The following COL19A1 variants were observed in gnomAD, a reference collection of about 807,000 sequenced individuals.
The protein encoded by COL19A1 is collagen alpha-1(XIX) chain.
Under a neutral mutation model 190.2 loss-of-function variants are expected in COL19A1, and 159 were observed. That is an observed-to-expected ratio of 0.84 (90% confidence interval 0.73 to 0.95). The LOEUF (loss-of-function observed/expected upper bound fraction) is 0.95, where lower values mean the gene tolerates loss of function less well. Ranked by LOEUF, COL19A1 falls within the 40% of genes least tolerant of loss-of-function variation. COL19A1 has a pLI of 0.00. For missense variants in COL19A1, 1,418 were observed against 1,431.9 expected, an observed-to-expected ratio of 0.99 and a Z score of 0.16; for synonymous variants, 509 against 458.9, an observed-to-expected ratio of 1.11 and a Z score of -1.39.
At chr6:69,895,311 GA>G (rs1274426673) in intron 2 of COL19A1, among the ~76,000 whole-genome samples, 2 of 152,204 alleles carry the variant, frequency 1.3e-5, no homozygotes, top group African/African-American at 2.4e-5. Context: ...GTCCAAGGAC[GA>G]AAAGGCTTAG....
At chr6:69,987,549 CTG>C (rs1488714346) in intron 11 of COL19A1, among the ~76,000 whole-genome samples, 1 of 152,220 alleles carries the variant, frequency 6.6e-6, no homozygotes, top group Non-Finnish European at 1.5e-5. Flanking sequence ...ACAAACAACA[CTG>C]TGTTTTTAAC....
chr6:70,059,022 G>T lies in COL19A1; in HGVS notation c.1171-9401G>T, dbSNP rs569927480. 3.3e-5 allele frequency among the ~76,000 whole-genome samples: 5 copies of T among 151,920 alleles called. No individual in the cohort carries two copies. The South Asian group carries it at 1.0e-3, about 32-fold the overall frequency. ...TATTCCTGTTATTCCCATGTTAAAG[G>T]CACAAAATTTTCTGTAAAAACAGAT... On this transcript the variant is annotated intron_variant, in intron 14 of 50. Transcript: ENST00000620364.
At chr6:70,037,932 A>G (rs1292305505) in intron 14 of COL19A1, among the ~76,000 whole-genome samples, 2 of 152,232 alleles carry the variant, frequency 1.3e-5, no homozygotes, top group Non-Finnish European at 2.9e-5. Flanking sequence ...GTTTTATTTC[A>G]TAAAGTAAAA....
intron 48 of COL19A1, among the ~76,000 whole-genome samples, chr6:70,195,104 T>C (rs1380013943): frequency 6.8e-6 from 1 of 147,630 alleles, no homozygotes; most frequent in Non-Finnish European, 1.5e-5. Flanking sequence ...ACTTGTTATA[T>C]ACACTTCATC....
intron 31 of COL19A1, among the ~76,000 whole-genome samples, chr6:70,154,753 C>A (rs1787333114): frequency 1.3e-5 from 2 of 152,168 alleles, no homozygotes; most frequent in African/African-American, 4.8e-5. Context: ...CTGAGAGCCC[C>A]TGGCAAACCA....
intron 22 of COL19A1, 141 bp from the exon 23 acceptor site, chr6:70,142,620 TATACAG>T (rs1266475762): frequency 1.1e-5 from 7 of 627,760 alleles, no homozygotes; most frequent in Admixed American, 6.1e-5. Flanking sequence ...ATTTCAGTAT[TATACAG>T]ATAAAGTGGG....
intron 14 of COL19A1, among the ~76,000 whole-genome samples, chr6:70,046,777 A>G (rs1779943580): frequency 6.6e-6 from 1 of 152,154 alleles, no homozygotes; most frequent in Admixed American, 6.5e-5. Flanking sequence ...AGATGGTAAA[A>G]TTTAGCATTC....
At chr6:70,123,157 A>C (rs991451895) in intron 17 of COL19A1, among the ~76,000 whole-genome samples, 1 of 152,202 alleles carries the variant, frequency 6.6e-6, no homozygotes, top group African/African-American at 2.4e-5. Flanking sequence ...GGACATGAAC[A>C]GACACTTCTC....
chr6:69,991,775 G>C (rs1374240196), intron 11 of COL19A1, among the ~76,000 whole-genome samples: 1 of 151,880 alleles, frequency 6.6e-6, no homozygotes, highest in Non-Finnish European at 1.5e-5. Flanking sequence ...CTTTCTTATA[G>C]ATTCCGGGTC....
chr6:69,986,766 C>A (rs1449460837), intron 11 of COL19A1, among the ~76,000 whole-genome samples: 1 of 152,128 alleles, frequency 6.6e-6, no homozygotes, highest in Non-Finnish European at 1.5e-5. Flanking sequence ...ATTTAGAAAG[C>A]CACTGAGCTT....
At chr6:70,045,041 G>A (rs932863775) in intron 14 of COL19A1, among the ~76,000 whole-genome samples, 1 of 152,048 alleles carries the variant, frequency 6.6e-6, no homozygotes, top group African/African-American at 2.4e-5. Flanking sequence ...TTCCAGGCAC[G>A]GTGGCTCACA....
intron 31 of COL19A1, among the ~76,000 whole-genome samples, chr6:70,154,940 T>C (rs1025656587): frequency 6.6e-6 from 1 of 152,162 alleles, no homozygotes; most frequent in Non-Finnish European, 1.5e-5. Context: ...CTCACCCAGA[T>C]TGAGGGTAGG....
Position 70,010,508 on chromosome 6 carries a change from G to C in COL19A1, c.1027-13119G>C, listed in dbSNP as rs993276326. Among the ~76,000 whole-genome samples, 14 of 142,568 alleles carry C rather than the reference G, an allele frequency of 9.8e-5. 2 individuals carry two copies. The highest frequency in any genetic ancestry group is 6.2e-4 in the Admixed American group (9 of 14,538). The allele number at this position is 142,568 out of a possible 152,430, so 93.5% of individuals were successfully genotyped here. A position where few individuals can be genotyped will look rare whatever the true frequency, so the allele number is the denominator to read the frequency against. On this transcript the variant is annotated intron_variant, in intron 11 of 50. Transcript: ENST00000620364. Reference sequence around the variant, plus strand: ...GCGCAGGCCAGTGTGTGTGCGCACCGTGCGCGAGCGGAAGCAGGGCGAGGC... The same window carrying C: ...GCGCAGGCCAGTGTGTGTGCGCACCCTGCGCGAGCGGAAGCAGGGCGAGGC...
intron 16 of COL19A1, among the ~76,000 whole-genome samples, chr6:70,118,826 C>T (rs1318827630): frequency 3.5e-5 from 3 of 84,978 alleles, no homozygotes; most frequent in Non-Finnish European, 6.8e-5. Flanking sequence ...TGTGCCCTTG[C>T]CTTTGTTTTT....
chr6:70,070,338 T>C (rs532462474), intron 15 of COL19A1, among the ~76,000 whole-genome samples: 2 of 152,298 alleles, frequency 1.3e-5, no homozygotes, highest in African/African-American at 4.8e-5. Flanking sequence ...CACTATTTTA[T>C]GTAAATTTAC....
intron 18 of COL19A1, among the ~76,000 whole-genome samples, chr6:70,136,943 T>C (rs890767508): frequency 6.6e-6 from 1 of 152,122 alleles, no homozygotes; most frequent in African/African-American, 2.4e-5. Context: ...ATTTAAGAAT[T>C]GTGTAGGTAT....
At chr6:69,965,274 G>T (rs912124225) in intron 11 of COL19A1, among the ~76,000 whole-genome samples, 1 of 152,118 alleles carries the variant, frequency 6.6e-6, no homozygotes, top group Non-Finnish European at 1.5e-5. Context: ...ATTGTTATTG[G>T]TCAGAGATGT....
intron 6 of COL19A1, among the ~76,000 whole-genome samples, chr6:69,930,631 A>T (rs2150013358): frequency 1.3e-5 from 2 of 152,210 alleles, no homozygotes; most frequent in Middle Eastern, 3.4e-3. Context: ...ATCCTGGCTA[A>T]CATGGTGAAA....
intron 15 of COL19A1, among the ~76,000 whole-genome samples, chr6:70,086,372 A>G (rs1418269903): frequency 6.6e-6 from 1 of 152,180 alleles, no homozygotes; most frequent in Non-Finnish European, 1.5e-5. Context: ...TTAAGAGTAC[A>G]TGAAACAGAA....
Sources: allele counts gnomAD v4.1 joint callset (sites outside exome capture counted in the v4.1 genomes callset), GRCh38; gene constraint gnomAD v4.1.1; transcripts MANE v1.5; gene names NCBI Gene and HGNC (gene_info 2026-07-23, HGNC 2026-07-21).